The following PLEKHH1 variants were observed in gnomAD, a reference collection of about 807,000 sequenced individuals.
PLEKHH1 encodes the protein pleckstrin homology domain-containing family H member 1.
Under a neutral mutation model 160.0 loss-of-function variants are expected in PLEKHH1, and 104 were observed. That is an observed-to-expected ratio of 0.65 (90% CI 0.55 to 0.76). The LOEUF (loss-of-function observed/expected upper bound fraction) is 0.76, where lower values mean the gene tolerates loss of function less well. PLEKHH1 is among the 30% of genes least tolerant of loss of function. The pLI is 0.00. For synonymous variants in PLEKHH1, 619 were observed against 678.4 expected, an observed-to-expected ratio of 0.91 and a Z score of 1.36; for missense variants, 1,427 against 1,724.1, an observed-to-expected ratio of 0.83 and a Z score of 3.05.
intron 24 of PLEKHH1, among the ~76,000 whole-genome samples, chr14:67,583,512 G>C (rs897607342): frequency 6.6e-6 from 1 of 152,170 alleles, no homozygotes; most frequent in African/African-American, 2.4e-5. Flanking sequence ...CTTCACCTCA[G>C]CTGCAAAATC....
rs2035718446 is a variant in PLEKHH1, at chr14:67,578,226, G to A, written c.2751+27G>A. On this transcript the variant is annotated intron_variant, in intron 19 of 28. Coordinates refer to ENST00000329153, the MANE Select transcript of PLEKHH1 (RefSeq NM_020715.3). The surrounding 1 kb of genome is among the most constrained non-coding windows in gnomAD (Gnocchi z 5.0). The stretch of plus-strand genomic sequence containing the variant: ...TAGGCATGCCAGGGGTGGAGCAGCT[G>A]ACAGAAGCCATTGGCAAGGGCTGCC... The A allele has an allele frequency of 6.2e-6, 10 of 1,604,726 alleles. No homozygotes were observed. The highest frequency in any genetic ancestry group is 8.5e-6 in the Non-Finnish European group (10 of 1,173,354).
chr14:67,551,367 T>C lies in PLEKHH1; in HGVS notation c.127-4458T>C, dbSNP rs74905013. 3.3e-3 allele frequency among the ~76,000 whole-genome samples: 504 copies of C among 152,326 alleles called. 5 individuals carry two copies. The highest frequency in any genetic ancestry group is 0.011 in the African/African-American group (463 of 41,568). ...CAAAAGCCAACAAGCAGCTTTTACC[T>C]ATAAATTTCTGAATGCCAAGCCATG... is the stretch of plus-strand genomic sequence containing the variant. On this transcript the variant is annotated intron_variant, in intron 2 of 28. Transcript: ENST00000329153.
chr14:67,543,473 C>G (rs1408639237), intron 2 of PLEKHH1, among the ~76,000 whole-genome samples: 1 of 152,204 alleles, frequency 6.6e-6, no homozygotes, highest in African/African-American at 2.4e-5. Context: ...CAGTGATTCT[C>G]AAAGTGTGGT....
chr14:67,571,598 C>T (rs1021373560), intron 9 of PLEKHH1, 154 bp from the exon 10 acceptor site: 3 of 664,776 alleles, frequency 4.5e-6, no homozygotes, highest in Non-Finnish European at 5.3e-6. Context: ...AGGAGTGAGG[C>T]CAGGAGGGAC....
chr14:67,589,263 T>A lies in PLEKHH1; in HGVS notation c.*2028T>A. 2 of 796,394 alleles carry A rather than the reference T, an allele frequency of 2.5e-6. No homozygotes were observed. The highest frequency in any genetic ancestry group is 1.5e-6 in the Non-Finnish European group (1 of 657,312). The allele number at this position is 796,394 out of a possible 1,614,324, so 49.3% of individuals were successfully genotyped here. A position where few individuals can be genotyped will look rare whatever the true frequency, so the allele number is the denominator to read the frequency against. On this transcript the variant is annotated 3_prime_UTR_variant, in exon 29 of 29. Transcript: ENST00000329153. ...CTCCTCCCCAACCCTTCAGGAACCC[T>A]TTAGTTTATTAATCTTATACAGAAG...
intron 1 of PLEKHH1, among the ~76,000 whole-genome samples, chr14:67,537,342 T>C (rs915917901): frequency 2.3e-5 from 2 of 86,528 alleles, no homozygotes; most frequent in Non-Finnish European, 5.0e-5. Context: ...AGACTCCATC[T>C]CAAAAATAAT....
chr14:67,549,176 T>A (rs1431495516), intron 2 of PLEKHH1, among the ~76,000 whole-genome samples: 2 of 152,204 alleles, frequency 1.3e-5, no homozygotes, highest in African/African-American at 4.8e-5. Flanking sequence ...CAGGTCTTTG[T>A]GCTCACAGAT....
rs775908569 is a variant in PLEKHH1, at chr14:67,559,638, G to A, written c.370G>A (p.Val124Ile). The A allele has an allele frequency of 6.2e-7, 1 of 1,604,938 alleles. No individual in the cohort carries two copies. Among genetic ancestry groups the A allele is most frequent in the Non-Finnish European group, 8.5e-7 (1 of 1,175,792 alleles). ...GATGAGGGCAGAGGAAGCAAAAACT[G>A]TTCAAGAAAAAGCTGCAAAGATCAA... Reference protein sequence around the residue: ...KQMRAEEAKTVQEKAAKIKEW... With the variant: ...KQMRAEEAKTIQEKAAKIKEW... The change falls in exon 5 of 29, where the codon GTT (valine) becomes ATT (isoleucine). Residue 124 changes from valine to isoleucine, a missense_variant. Around this residue, in one of 6 missense-constraint regions of PLEKHH1, gnomAD observed 831 missense variants for 929.2 expected, o/e 0.89. Transcript: ENST00000329153.
chr14:67,577,666 G>C (rs893903392), intron 18 of PLEKHH1, among the ~76,000 whole-genome samples: 1 of 152,226 alleles, frequency 6.6e-6, no homozygotes, highest in African/African-American at 2.4e-5. Context: ...CCCTCCTCCT[G>C]TAGTTAAGCA....
In PLEKHH1 at chr14:67,573,909, A is replaced by G. The variant is rs1171052388; in HGVS notation, c.1926+22A>G. 2 of 1,567,322 alleles carry G rather than the reference A, an allele frequency of 1.3e-6. No individual in the cohort carries two copies. The highest frequency in any genetic ancestry group is 1.3e-5 in the African/African-American group (1 of 74,126). ...TCAGGTGAGCACGCTCCTGGCTGCT[A>G]GTATTTTAAACAGAAGAGGTGCTGG... On this transcript the variant is annotated intron_variant, in intron 13 of 28. Coordinates refer to ENST00000329153, the MANE Select transcript of PLEKHH1 (RefSeq NM_020715.3). The surrounding 1 kb of genome is among the most constrained non-coding windows in gnomAD (Gnocchi z 4.8).
intron 1 of PLEKHH1, among the ~76,000 whole-genome samples, chr14:67,533,978 G>C (rs1192575262): frequency 6.6e-6 from 1 of 152,018 alleles, no homozygotes; most frequent in Non-Finnish European, 1.5e-5. Flanking sequence ...TCATCTGGAA[G>C]GAAACTCCTC....
chr14:67,580,199 C>T (rs915928840), intron 22 of PLEKHH1: 6 of 243,648 alleles, frequency 2.5e-5, no homozygotes, highest in Non-Finnish European at 4.8e-5. Flanking sequence ...TACACGTGCC[C>T]ACTCAGAGGC....
chr14:67,575,646 C>T (rs557648612), intron 15 of PLEKHH1, 174 bp downstream of exon 15: 110 of 703,148 alleles, frequency 1.6e-4, no homozygotes, highest in Non-Finnish European at 2.5e-4. Context: ...TCTGGTGCTT[C>T]TCCAAGCAAG....
At position 67,573,386 on chromosome 14, in the gene PLEKHH1, G is replaced by A. The variant is rs750126960; in HGVS notation, c.1839G>A (p.Pro613=). Residue 613 remains proline (P), a splice_region_variant and synonymous_variant, in exon 12 of 29, where the codon CCG becomes CCA. Coordinates refer to ENST00000329153, the MANE Select transcript of PLEKHH1 (RefSeq NM_020715.3). The surrounding 1 kb of genome is among the most constrained non-coding windows in gnomAD (Gnocchi z 4.8). ...RQGQIMYYKS[P]SDVIRKPQGQ... ...GACAGATTATGTACTACAAGTCCCCGGTGAGAGTCTCCCCGCCCAGCACTG... is the reference window on the plus strand; with the variant it reads ...GACAGATTATGTACTACAAGTCCCCAGTGAGAGTCTCCCCGCCCAGCACTG... 25 of 1,563,862 alleles carry A rather than the reference G, an allele frequency of 1.6e-5. No homozygotes were observed. The South Asian group carries it at 1.7e-4, about 10-fold the overall frequency.
At chr14:67,579,401 T>A (rs1482441931) in intron 21 of PLEKHH1, 90 bp downstream of exon 21, 1 of 1,023,790 alleles carries the variant, frequency 9.8e-7, no homozygotes, top group African/African-American at 1.6e-5. Flanking sequence ...CTTGGCAGAT[T>A]GTTCACTGTT....
intron 20 of PLEKHH1, 24 bp from the exon 21 acceptor site, chr14:67,579,110 T>C: frequency 6.7e-7 from 1 of 1,485,486 alleles, no homozygotes; most frequent in East Asian, 2.3e-5. Flanking sequence ...GAGCCCATAA[T>C]ACTCCCCTCT....
intron 17 of PLEKHH1, 38 bp from the exon 18 acceptor site, chr14:67,577,264 G>T: frequency 7.4e-7 from 1 of 1,354,102 alleles, no homozygotes; most frequent in East Asian, 2.5e-5. Context: ...CCTCTCAGTA[G>T]TAACTGCCCT....
intron 4 of PLEKHH1, among the ~76,000 whole-genome samples, chr14:67,558,607 C>T (rs2034692948): frequency 6.6e-6 from 1 of 152,090 alleles, no homozygotes. Context: ...GGTCATTTTA[C>T]AATTGGAATC....
chr14:67,558,534 G>A (rs2034688147), intron 4 of PLEKHH1, among the ~76,000 whole-genome samples: 2 of 152,292 alleles, frequency 1.3e-5, no homozygotes, highest in East Asian at 1.9e-4. Context: ...AGTTAGAAGT[G>A]GCAGCATCTT....
Sources: allele counts gnomAD v4.1 joint callset (sites outside exome capture counted in the v4.1 genomes callset), GRCh38; gene constraint gnomAD v4.1.1; regional missense constraint gnomAD v4.1.1; non-coding constraint Gnocchi (gnomAD v3.1); transcripts MANE v1.5; gene names NCBI Gene and HGNC (gene_info 2026-07-23, HGNC 2026-07-21).